Variants in NHEJ1 observed in about 807,000 individuals in gnomAD.
The protein encoded by NHEJ1 is non-homologous end joining factor 1.
NHEJ1 carries 22 observed loss-of-function variants against 39.4 expected under a neutral mutation model. The ratio of observed to expected loss-of-function variants is 0.56; its 90% CI spans 0.40 to 0.80. The LOEUF is 0.80. Among genes scored for constraint, NHEJ1 ranks in the 30% least tolerant of loss-of-function variants. NHEJ1 has a pLI of 0.00. For missense variants in NHEJ1, 329 were observed against 357.1 expected (o/e 0.92, Z 0.63); for synonymous variants, 154 against 135.6 (o/e 1.14, Z -0.94).
At chr2:219,124,704 T>C (rs1422720196) in intron 5 of NHEJ1, 1 of 149,122 alleles carries the variant, frequency 6.7e-6, no homozygotes, top group Non-Finnish European at 1.5e-5. Context: ...ATTTTCGGAG[T>C]CTACAACACT....
chr2:219,078,581 A>T (rs1949035129), intron 5 of NHEJ1, among the ~76,000 whole-genome samples: 1 of 152,358 alleles, frequency 6.6e-6, no homozygotes, highest in Middle Eastern at 3.4e-3. Context: ...ATTCATTCAT[A>T]AACTAGAGAA....
chr2:219,135,328 C>G (rs1021680919), intron 5 of NHEJ1, among the ~76,000 whole-genome samples: 2 of 152,126 alleles, frequency 1.3e-5, no homozygotes, highest in South Asian at 4.1e-4. Flanking sequence ...ACATCAAGGC[C>G]GGGCACAGTG....
At chr2:219,084,862 C>T (rs1257489895) in intron 5 of NHEJ1, among the ~76,000 whole-genome samples, 1 of 152,166 alleles carries the variant, frequency 6.6e-6, no homozygotes, top group Non-Finnish European at 1.5e-5. Context: ...GCAAGTATAA[C>T]AGTGAAGAGT....
chr2:219,090,060 T>G (rs903380939), intron 5 of NHEJ1, among the ~76,000 whole-genome samples: 1 of 152,204 alleles, frequency 6.6e-6, no homozygotes, highest in South Asian at 2.1e-4. Context: ...TGACTTAATT[T>G]TTTGAGCCTC....
chr2:219,089,525 G>A (rs1949142053), intron 5 of NHEJ1, among the ~76,000 whole-genome samples: 1 of 152,196 alleles, frequency 6.6e-6, no homozygotes, highest in African/African-American at 2.4e-5. Context: ...TATGAAATAT[G>A]CTGAATAGGC....
intron 5 of NHEJ1, among the ~76,000 whole-genome samples, chr2:219,092,933 C>CT (rs1401965066): frequency 6.6e-6 from 1 of 152,216 alleles, no homozygotes; most frequent in Non-Finnish European, 1.5e-5. Flanking sequence ...AGAGACCTCC[C>CT]TGTGCCTATT....
At chr2:219,150,937 CAG>C (rs1179230351) in intron 3 of NHEJ1, among the ~76,000 whole-genome samples, 1 of 150,468 alleles carries the variant, frequency 6.6e-6, no homozygotes, top group African/African-American at 2.4e-5. Flanking sequence ...GCCTGGGTAA[CAG>C]GGTGAGACTC....
In NHEJ1 at chr2:219,150,494, C is replaced by T. The variant is rs187193318; in HGVS notation, c.391-2699G>A. On this transcript the variant is annotated intron_variant, in intron 3 of 7. Transcript: ENST00000356853. ...TGGAAAAATTTATCTGCTCTACACTCGATCTTCTTTCCTAGGAATTGTTTT... is the reference window on the plus strand; with the variant it reads ...TGGAAAAATTTATCTGCTCTACACTTGATCTTCTTTCCTAGGAATTGTTTT... 5.9e-5 allele frequency among the ~76,000 whole-genome samples: 9 copies of T among 152,328 alleles called. No homozygotes were observed. The East Asian group carries it at 1.7e-3, about 29-fold the overall frequency.
At chr2:219,159,334 G>A (rs1949888175) in intron 1 of NHEJ1, 2 of 151,688 alleles carry the variant, frequency 1.3e-5, no homozygotes, top group Non-Finnish European at 2.9e-5. Flanking sequence ...TGTTTTTCCT[G>A]TGGGGGAGAA....
rs7584830 is a variant in NHEJ1 at position 219,147,311 on chromosome 2, C to T, written c.529+346G>A. On this transcript the variant is annotated intron_variant, in intron 4 of 7. Transcript: ENST00000356853. ...CCTGACCAACATGGTGAAACCCCGTCTATATTAAAAATACAAAAAAATTAG... is the reference window on the plus strand; with the variant it reads ...CCTGACCAACATGGTGAAACCCCGTTTATATTAAAAATACAAAAAAATTAG... Among the ~76,000 whole-genome samples, 156 of 152,062 alleles carry T rather than the reference C, an allele frequency of 1.0e-3. 1 individual carries two copies. The highest frequency in any genetic ancestry group is 3.1e-3 in the African/African-American group (129 of 41,476).
At chr2:219,157,715 G>T in intron 2 of NHEJ1, 31 bp from the exon 3 acceptor site, 2 of 1,559,254 alleles carry the variant, frequency 1.3e-6, no homozygotes, top group South Asian at 1.1e-5. Flanking sequence ...CAGAGTAAGG[G>T]TGCTAAAAGG....
At chr2:219,110,416 G>A (rs762766277) in intron 5 of NHEJ1, among the ~76,000 whole-genome samples, 69 of 151,986 alleles carry the variant, frequency 4.5e-4, no homozygotes, top group Non-Finnish European at 7.2e-4. Flanking sequence ...CAACTACTCG[G>A]GAGGCTAAGG....
intron 5 of NHEJ1, among the ~76,000 whole-genome samples, chr2:219,131,393 T>G (rs1004319962): frequency 2.6e-5 from 4 of 152,194 alleles, no homozygotes; most frequent in Non-Finnish European, 5.9e-5. Context: ...AAATGCCAAT[T>G]TATTAGTTTA....
At position 219,157,589 on chromosome 2, in the gene NHEJ1, G is replaced by A. The variant is rs778798821; in HGVS notation, c.273C>T (p.Ser91=). 3.7e-6 allele frequency: 6 copies of A among 1,614,144 alleles called. No individual in the cohort carries two copies. The highest frequency in any genetic ancestry group is 2.7e-5 in the African/African-American group (2 of 75,042). The part of the protein sequence containing the change: ...RPLLKDAAHP[S]EATFSCDCVA... ...CACAATCACAGGAGAAGGTAGCTTC[G>A]CTAGGGTGAGCAGCGTCCTTCAACA... The change falls in exon 3 of 8, where the codon AGC becomes AGT. Residue 91 remains serine (S), a synonymous_variant. Coordinates refer to ENST00000356853, the MANE Select transcript of NHEJ1 (RefSeq NM_024782.3).
intron 5 of NHEJ1, among the ~76,000 whole-genome samples, chr2:219,097,573 G>A (rs1381774305): frequency 1.3e-5 from 2 of 152,104 alleles, no homozygotes; most frequent in Non-Finnish European, 2.9e-5. Flanking sequence ...CATGTGCTCC[G>A]CTATGTCTGG....
In NHEJ1 at chr2:219,078,220, G is replaced by T. The variant is rs1432657602; in HGVS notation, c.589-14C>A. 4.4e-6 allele frequency: 7 copies of T among 1,598,966 alleles called. No individual in the cohort carries two copies. The highest frequency in any genetic ancestry group is 6.0e-6 in the Non-Finnish European group (7 of 1,166,180). The stretch of plus-strand genomic sequence containing the variant: ...CTCTGGCAGTTTCTGTAAGAGAGAG[G>T]AGATACTGTCATTGGTTACACTGTA... On this transcript the variant is annotated splice_polypyrimidine_tract_variant and intron_variant, in intron 5 of 7. Transcript: ENST00000356853.
chr2:219,107,821 G>A (rs561161163), intron 5 of NHEJ1, among the ~76,000 whole-genome samples: 1 of 152,162 alleles, frequency 6.6e-6, no homozygotes, highest in South Asian at 2.1e-4. Flanking sequence ...TATACATATG[G>A]CAAAACTAAC....
intron 5 of NHEJ1, among the ~76,000 whole-genome samples, chr2:219,140,629 C>A (rs1212633855): frequency 6.6e-6 from 1 of 152,184 alleles, no homozygotes; most frequent in Non-Finnish European, 1.5e-5. Context: ...AAAGAATGAA[C>A]CTTCCATCAA....
chr2:219,157,991 T>TCACACACACACA (rs58103413), intron 2 of NHEJ1, among the ~76,000 whole-genome samples, 195 bp downstream of exon 2: 51 of 99,270 alleles, frequency 5.1e-4, no homozygotes, highest in African/African-American at 1.6e-3. Context: ...TCTCTCTCTC[T>TCACACACACACA]CACACACACA....
Sources: gnomAD v4.1 joint callset for allele counts (sites outside exome capture counted in the v4.1 genomes callset) on GRCh38, gnomAD v4.1.1 for gene constraint, MANE v1.5 for transcripts, NCBI Gene and HGNC (gene_info 2026-07-23, HGNC 2026-07-21) for gene names.